STAC: variants seen among roughly 807,000 people sequenced by gnomAD.
STAC encodes SH3 and cysteine rich domain.
Under a neutral mutation model 48.8 loss-of-function variants are expected in STAC, and 43 were observed. That is an observed-to-expected ratio of 0.88 (90% CI 0.69 to 1.14). The LOEUF is 1.14. Ranked by LOEUF, STAC falls within the 50% of genes most tolerant of loss-of-function variation. The pLI is 0.00. For missense variants in STAC, 497 were observed against 504.0 expected, an observed-to-expected ratio of 0.99 and a Z score of 0.13; for synonymous variants, 193 against 179.5, an observed-to-expected ratio of 1.07 and a Z score of -0.60.
At chr3:36,401,648 G>C (rs1198118020) in intron 1 of STAC, among the ~76,000 whole-genome samples, 2 of 152,184 alleles carry the variant, frequency 1.3e-5, no homozygotes, top group East Asian at 3.8e-4. Flanking sequence ...AATATGAATT[G>C]TTTAATGAAT....
At chr3:36,474,326 T>C (rs1697432306) in intron 2 of STAC, among the ~76,000 whole-genome samples, 1 of 152,244 alleles carries the variant, frequency 6.6e-6, no homozygotes, top group Non-Finnish European at 1.5e-5. Flanking sequence ...GGTAAACTTT[T>C]GGCACCTGCA....
chr3:36,447,515 C>G (rs1447254615), intron 2 of STAC, among the ~76,000 whole-genome samples: 2 of 152,026 alleles, frequency 1.3e-5, no homozygotes, highest in East Asian at 3.9e-4. Context: ...ACACTGAGTC[C>G]CAGACCTTCC....
chr3:36,521,578 A>C (rs1426442282), intron 8 of STAC, among the ~76,000 whole-genome samples: 1 of 152,142 alleles, frequency 6.6e-6, no homozygotes, highest in African/African-American at 2.4e-5. Flanking sequence ...GAAGAGAGGG[A>C]GAAGGTTTTC....
chr3:36,501,192 G>A (rs185972198), intron 6 of STAC, among the ~76,000 whole-genome samples: 2 of 151,988 alleles, frequency 1.3e-5, no homozygotes, highest in South Asian at 2.1e-4. Flanking sequence ...AAAACAACAC[G>A]TATCCAAAGT....
At chr3:36,465,727 A>C (rs1055318082) in intron 2 of STAC, among the ~76,000 whole-genome samples, 1 of 152,164 alleles carries the variant, frequency 6.6e-6, no homozygotes, top group South Asian at 2.1e-4. Flanking sequence ...CCCAAAACTG[A>C]AGAACTTGGA....
In STAC at chr3:36,443,317, C is replaced by T; in HGVS notation, c.112-47C>T. 6.2e-7 allele frequency: 1 copy of T among 1,608,180 alleles called. No homozygotes were observed. Among genetic ancestry groups the T allele is most frequent in the Non-Finnish European group, 8.5e-7 (1 of 1,177,312 alleles). On this transcript the variant is annotated intron_variant, in intron 1 of 10. Coordinates refer to ENST00000273183, the MANE Select transcript of STAC (RefSeq NM_003149.3). The surrounding 1 kb of genome is among the most constrained non-coding windows in gnomAD (Gnocchi z 4.2). The stretch of plus-strand genomic sequence containing the variant: ...ACCTTACCCCCACAGCCTAGGTCTG[C>T]TTGATCCATTGATCGTAAGAGAGAC...
intron 1 of STAC, among the ~76,000 whole-genome samples, chr3:36,402,281 C>T (rs1393038567): frequency 6.6e-6 from 1 of 150,582 alleles, no homozygotes; most frequent in African/African-American, 2.4e-5. Flanking sequence ...AAAGTAGAAA[C>T]AAGACATGGA....
At chr3:36,493,670 T>G (rs1209336034) in intron 6 of STAC, among the ~76,000 whole-genome samples, 1 of 151,954 alleles carries the variant, frequency 6.6e-6, no homozygotes, top group East Asian at 1.9e-4. Context: ...AGGAGAGAAG[T>G]GTGGGCCTCA....
In STAC at chr3:36,546,196, CG is replaced by C. The variant is rs1699440691; in HGVS notation, c.1117del (p.Val373Ter). The C allele has an allele frequency of 1.2e-6, 2 of 1,613,034 alleles. No individual in the cohort carries two copies. Among genetic ancestry groups the C allele is most frequent in the African/African-American group, 1.3e-5 (1 of 74,844 alleles). On this transcript the variant is annotated frameshift_variant, in exon 11 of 11. Transcript: ENST00000273183. LOFTEE classifies it high-confidence loss of function. ...QITLKENQIC[V>X]SSEEEQDGFI... ...TTTTCTTCCTTGGCATTCAGATCTGCGTGAGTTCTGAAGAAGAACAAGATGG... is the reference window on the plus strand; with the variant it reads ...TTTTCTTCCTTGGCATTCAGATCTGCTGAGTTCTGAAGAAGAACAAGATGG...
At chr3:36,457,462 A>G (rs529845230) in intron 2 of STAC, among the ~76,000 whole-genome samples, 1 of 152,214 alleles carries the variant, frequency 6.6e-6, no homozygotes, top group Non-Finnish European at 1.5e-5. Flanking sequence ...TGTGAAAAGC[A>G]GGTTGATATT....
intron 10 of STAC, among the ~76,000 whole-genome samples, chr3:36,544,529 G>T (rs6781630): frequency 0.12 from 17,654 of 151,956 alleles, 1,222 homozygotes; most frequent in Non-Finnish European, 0.15. Context: ...GGAGGTACAA[G>T]TTTTCATTCT....
intron 3 of STAC, among the ~76,000 whole-genome samples, chr3:36,484,438 G>A (rs1274001612): frequency 1.3e-5 from 2 of 152,124 alleles, no homozygotes; most frequent in Admixed American, 1.3e-4. Flanking sequence ...TTCTCCAGTG[G>A]TGATTCCCAT....
At chr3:36,437,918 T>G (rs1156567485) in intron 1 of STAC, among the ~76,000 whole-genome samples, 2 of 139,264 alleles carry the variant, frequency 1.4e-5, no homozygotes, top group South Asian at 2.3e-4. Flanking sequence ...GCAGTACCCA[T>G]GATATTCATT....
chr3:36,383,398 T>C (rs1279458830), intron 1 of STAC, among the ~76,000 whole-genome samples: 1 of 152,204 alleles, frequency 6.6e-6, no homozygotes, highest in East Asian at 1.9e-4. Context: ...AGAACTGTCA[T>C]GGACCTAATC....
chr3:36,515,787 A>G (rs1372364558), intron 8 of STAC, among the ~76,000 whole-genome samples: 1 of 151,912 alleles, frequency 6.6e-6, no homozygotes, highest in South Asian at 2.1e-4. Context: ...TGTCAGGGTG[A>G]GATTCAACAG....
chr3:36,446,330 G>A (rs574967102), intron 2 of STAC, among the ~76,000 whole-genome samples: 2 of 152,230 alleles, frequency 1.3e-5, no homozygotes, highest in Admixed American at 1.3e-4. Flanking sequence ...AGGTGTGTCT[G>A]TCAGCTTCAA....
At chr3:36,418,387 T>G (rs1700366677) in intron 1 of STAC, among the ~76,000 whole-genome samples, 2 of 152,148 alleles carry the variant, frequency 1.3e-5, no homozygotes, top group African/African-American at 4.8e-5. Context: ...TACATGCTAA[T>G]GAGAGGTGAG....
chr3:36,526,852 A>C (rs967115416), intron 8 of STAC, among the ~76,000 whole-genome samples: 1 of 152,154 alleles, frequency 6.6e-6, no homozygotes, highest in Non-Finnish European at 1.5e-5. Context: ...AAAAAGGAAA[A>C]GGCAGCTCTA....
chr3:36,380,586 G>C lies in STAC; in HGVS notation c.-58G>C, dbSNP rs1045924343. On this transcript the variant is annotated 5_prime_UTR_variant, in exon 1 of 11. Transcript: ENST00000273183. ...GCCTGGCGCGCGGCGGGCAGGGCGC[G>C]CAGGACAGAAGCCTCGCTGTTCCTC... 7.2e-7 allele frequency: 1 copy of C among 1,386,724 alleles called. No individual in the cohort carries two copies. The highest frequency in any genetic ancestry group is 1.4e-5 in the African/African-American group (1 of 69,244). The allele number at this position is 1,386,724 out of a possible 1,614,324, so 85.9% of individuals were successfully genotyped here.
Sources: gnomAD v4.1 joint callset for allele counts (sites outside exome capture counted in the v4.1 genomes callset) on GRCh38, gnomAD v4.1.1 for gene constraint, Gnocchi (gnomAD v3.1) non-coding constraint, MANE v1.5 for transcripts, NCBI Gene and HGNC (gene_info 2026-07-23, HGNC 2026-07-21) for gene names.